The following STK3 variants were observed in gnomAD, a reference collection of about 807,000 sequenced individuals.
STK3 encodes serine/threonine-protein kinase 3.
A neutral mutation model predicts 58.0 loss-of-function variants in STK3; 41 were observed. The observed-to-expected ratio is 0.71, with a 90% CI of 0.55 to 0.92. STK3 has a LOEUF of 0.92. Among genes scored for constraint, STK3 ranks in the 40% least tolerant of loss-of-function variants. The probability of loss-of-function intolerance (pLI) is 0.00; values close to 1 mark genes in which losing one functional copy is unlikely to be tolerated. For synonymous variants in STK3, 170 were observed against 191.0 expected (o/e 0.89, Z 0.91); for missense variants, 479 against 602.7 (o/e 0.79, Z 2.15).
intron 3 of STK3, among the ~76,000 whole-genome samples, chr8:98,868,839 T>C (rs7815536): frequency 9.2e-5 from 14 of 151,370 alleles, no homozygotes; most frequent in Non-Finnish European, 1.8e-4. Flanking sequence ...TAGCCAGCTG[T>C]GGTGGCGCAT....
intron 6 of STK3, among the ~76,000 whole-genome samples, chr8:98,653,053 C>T (rs1208608966): frequency 6.6e-5 from 10 of 152,172 alleles, no homozygotes; most frequent in African/African-American, 2.4e-4. Flanking sequence ...CACACCACAC[C>T]TATTCCAAAA....
intron 6 of STK3, among the ~76,000 whole-genome samples, chr8:98,617,643 C>T (rs536627202): frequency 6.6e-6 from 1 of 152,006 alleles, no homozygotes; most frequent in East Asian, 1.9e-4. Context: ...CACCACCGAT[C>T]CCACAGAAAT....
chr8:98,750,940 G>A (rs926960430), intron 3 of STK3, among the ~76,000 whole-genome samples: 3 of 152,112 alleles, frequency 2.0e-5, no homozygotes, highest in African/African-American at 7.2e-5. Flanking sequence ...ATGCAAGATT[G>A]GTTCAACATA....
intron 1 of STK3, among the ~76,000 whole-genome samples, chr8:98,884,991 G>A (rs968306427): frequency 6.6e-6 from 1 of 152,176 alleles, no homozygotes; most frequent in Non-Finnish European, 1.5e-5. Flanking sequence ...CAGGTTCCCC[G>A]TGTGGTTGGG....
chr8:98,486,733 A>C (rs1822295419), intron 10 of STK3, among the ~76,000 whole-genome samples: 1 of 152,214 alleles, frequency 6.6e-6, no homozygotes, highest in African/African-American at 2.4e-5. Flanking sequence ...AATACTTGAA[A>C]GAAAGCCAGA....
upstream of STK3, chr8:98,825,745 C>A (rs981581259): frequency 1.2e-6 from 1 of 866,614 alleles, no homozygotes; most frequent in African/African-American, 2.0e-5. Context: ...GCCGCCCCGC[C>A]CCGCCCCCGG....
intron 1 of STK3, among the ~76,000 whole-genome samples, chr8:98,909,163 A>G (rs1839038209): frequency 6.6e-6 from 1 of 152,194 alleles, no homozygotes. Flanking sequence ...TCTGTCTCAA[A>G]CAAAAACAAA....
intron 10 of STK3, among the ~76,000 whole-genome samples, chr8:98,505,233 A>T (rs181193642): frequency 2.1e-4 from 32 of 152,284 alleles, no homozygotes; most frequent in African/African-American, 7.2e-4. Context: ...CATGGTTTTC[A>T]GTTCCATCAG....
intron 6 of STK3, among the ~76,000 whole-genome samples, chr8:98,634,147 C>T (rs1401358841): frequency 6.6e-6 from 1 of 152,020 alleles, no homozygotes; most frequent in African/African-American, 2.4e-5. Flanking sequence ...GGCAGTGGAG[C>T]TGGACAGGAA....
Position 98,619,400 on chromosome 8 carries a change from C to T in STK3, c.685-23231G>A, listed in dbSNP as rs1308883743. Among the ~76,000 whole-genome samples the T allele has an allele frequency of 4.6e-5, 7 of 150,576 alleles. No homozygotes were observed. The East Asian group carries it at 7.7e-4, about 17-fold the overall frequency. ...TAGGCATTACCATTCAGGACATAGG[C>T]GTGGGGAAGGACTTCATGTCCAAAA... is the stretch of plus-strand genomic sequence containing the variant. On this transcript the variant is annotated intron_variant, in intron 6 of 10. Transcript: ENST00000419617.
intron 1 of STK3, among the ~76,000 whole-genome samples, chr8:98,815,260 C>A (rs893731189): frequency 4.6e-5 from 7 of 152,226 alleles, no homozygotes; most frequent in Non-Finnish European, 1.0e-4. Context: ...AGAGACTATC[C>A]AGAGAAAAGA....
In STK3 at chr8:98,666,189, T is replaced by TAA. The variant is rs780894377; in HGVS notation, c.684+40276_684+40277dup. Among the ~76,000 whole-genome samples the TAA allele has an allele frequency of 8.2e-4, 112 of 136,756 alleles. 1 individual carries two copies. The highest frequency in any genetic ancestry group is 3.0e-3 in the African/African-American group (110 of 37,148). The allele number at this position is 136,756 out of a possible 152,430, so 89.7% of individuals were successfully genotyped here. ...CTTGACACAATGGTTTTTGTAAATG[T>TAA]AAAAAAAAAAAAAAATCACACAGAG... On this transcript the variant is annotated intron_variant, in intron 6 of 10. Coordinates refer to ENST00000419617, the MANE Select transcript of STK3 (RefSeq NM_006281.4).
upstream of STK3, among the ~76,000 whole-genome samples, chr8:98,827,704 G>C (rs1835367746): frequency 6.6e-6 from 1 of 152,038 alleles, no homozygotes; most frequent in Non-Finnish European, 1.5e-5. Flanking sequence ...CCCCAGGCTG[G>C]AGTGCAGTGG....
intron 1 of STK3, among the ~76,000 whole-genome samples, chr8:98,449,159 T>C (rs1004270046): frequency 2.6e-5 from 4 of 152,154 alleles, no homozygotes; most frequent in Non-Finnish European, 5.9e-5. Flanking sequence ...GGGAACCTTA[T>C]ATTCTAGAGT....
chr8:98,349,765 G>A, the STK3 span, among the ~76,000 whole-genome samples: 1 of 152,318 alleles, frequency 6.6e-6, no homozygotes, highest in Middle Eastern at 3.4e-3. Context: ...GCCATGGCCT[G>A]AGTTGTACAT....
intron 6 of STK3, among the ~76,000 whole-genome samples, chr8:98,656,245 A>G (rs1369804161): frequency 2.0e-5 from 3 of 152,218 alleles, no homozygotes; most frequent in Admixed American, 1.3e-4. Flanking sequence ...ACAAAAAACC[A>G]AACACTGCAT....
chr8:98,378,232 G>C (rs373469947), intron 2 of STK3, among the ~76,000 whole-genome samples: 31 of 152,332 alleles, frequency 2.0e-4, no homozygotes, highest in African/African-American at 7.2e-4. Context: ...TCACCCTGAG[G>C]TCTGTTCCTT....
At chr8:98,625,529 C>G (rs1211270354) in intron 6 of STK3, among the ~76,000 whole-genome samples, 1 of 152,094 alleles carries the variant, frequency 6.6e-6, no homozygotes, top group Non-Finnish European at 1.5e-5. Context: ...TTTCTTCCCT[C>G]CCTCCCACCT....
intron 3 of STK3, chr8:98,430,982 A>G (rs1180394324): frequency 6.0e-6 from 1 of 167,074 alleles, no homozygotes; most frequent in Non-Finnish European, 1.5e-5. Context: ...ATTCTTCTCC[A>G]TCATCTTTAA....
Sources: allele counts gnomAD v4.1 joint callset (sites outside exome capture counted in the v4.1 genomes callset), GRCh38; gene constraint gnomAD v4.1.1; transcripts MANE v1.5; gene names NCBI Gene and HGNC (gene_info 2026-07-23, HGNC 2026-07-21).